Variants in SPTBN1 observed in about 807,000 individuals in gnomAD.
SPTBN1 encodes spectrin beta, non-erythrocytic 1, also known as spectrin beta chain, non-erythrocytic 1.
In SPTBN1, 32 loss-of-function variants were observed where a neutral mutation model predicts 266.4. The observed-to-expected ratio is 0.12, with a 90% CI of 0.09 to 0.16. SPTBN1 has a LOEUF of 0.16. SPTBN1 is among the 10% of genes least tolerant of loss of function. The pLI is 1.00. For missense variants in SPTBN1, 2,296 were observed against 3,067.1 expected (o/e 0.75, Z 5.94); for synonymous variants, 1,336 against 1,162.2 (o/e 1.15, Z -3.04).
Position 54,558,415 on chromosome 2 carries a change from A to G in SPTBN1, c.148+31849A>G. The G allele has an allele frequency of 9.8e-7, 1 of 1,017,180 alleles. No homozygotes were observed. The highest frequency in any genetic ancestry group is 1.2e-6 in the Non-Finnish European group (1 of 850,854). 63.0% of individuals were successfully genotyped at this position (1,017,180 alleles called of 1,614,324 possible). A position where few individuals can be genotyped will look rare whatever the true frequency, so the allele number is the denominator to read the frequency against. The stretch of plus-strand genomic sequence containing the variant: ...AGGAGGTGTGCGCGCTGCGCCCGCG[A>G]GCTCCCGGGCTCGGCAACCGTGGCA... On this transcript the variant is annotated intron_variant, in intron 2 of 35. Coordinates refer to ENST00000356805, the MANE Select transcript of SPTBN1 (RefSeq NM_003128.3). The surrounding 1 kb of genome is among the most constrained non-coding windows in gnomAD (Gnocchi z 4.6).
At chr2:54,472,094 C>T (rs1168386191) in intron 1 of SPTBN1, among the ~76,000 whole-genome samples, 3 of 128,580 alleles carry the variant, frequency 2.3e-5, no homozygotes, top group Non-Finnish European at 4.6e-5. Flanking sequence ...GTGGCGCGAT[C>T]TTGGCTCACT....
chr2:54,539,841 C>T (rs1671829874), intron 2 of SPTBN1, among the ~76,000 whole-genome samples: 1 of 140,812 alleles, frequency 7.1e-6, no homozygotes, highest in South Asian at 2.3e-4. Context: ...TGTGCGTGGA[C>T]TCTGTGTACA....
intron 1 of SPTBN1, among the ~76,000 whole-genome samples, chr2:54,484,826 A>G (rs968133055): frequency 3.3e-5 from 5 of 152,212 alleles, no homozygotes; most frequent in African/African-American, 1.2e-4. Flanking sequence ...GGCCTCAAGC[A>G]CCAGAATACG....
intron 2 of SPTBN1, among the ~76,000 whole-genome samples, chr2:54,537,432 A>G (rs867258756): frequency 5.9e-5 from 9 of 152,334 alleles, no homozygotes; most frequent in African/African-American, 1.2e-4. Flanking sequence ...GGTGTCCCCA[A>G]ACATTGGTGA....
At chr2:54,507,520 T>C (rs188725290) in intron 1 of SPTBN1, among the ~76,000 whole-genome samples, 5 of 152,224 alleles carry the variant, frequency 3.3e-5, no homozygotes, top group African/African-American at 1.2e-4. Flanking sequence ...ATTTGTCGTA[T>C]AGAATGATTG....
At position 54,533,602 on chromosome 2, in the gene SPTBN1, G is replaced by T. The variant is rs2104365161; in HGVS notation, c.148+7036G>T. Among the ~76,000 whole-genome samples the T allele has an allele frequency of 1.3e-5, 2 of 152,302 alleles. No individual in the cohort carries two copies. The highest frequency in any genetic ancestry group is 6.8e-3 in the Middle Eastern group (2 of 294). ...TTTCGCTCTTGTCACCCAGGCTGTAGTACGATGGCGCGATCTTGGCTCACT... is the reference window on the plus strand; with the variant it reads ...TTTCGCTCTTGTCACCCAGGCTGTATTACGATGGCGCGATCTTGGCTCACT... On this transcript the variant is annotated intron_variant, in intron 2 of 35. Transcript: ENST00000356805. The surrounding 1 kb of genome is among the most constrained non-coding windows in gnomAD (Gnocchi z 4.2).
chr2:54,656,946 C>G (rs1443135817), intron 29 of SPTBN1, among the ~76,000 whole-genome samples: 1 of 152,194 alleles, frequency 6.6e-6, no homozygotes, highest in Non-Finnish European at 1.5e-5. Flanking sequence ...GTCCCTAGTG[C>G]AGAGGTGGCA....
chr2:54,666,562 C>A (rs966756343), intron 34 of SPTBN1, among the ~76,000 whole-genome samples: 5 of 152,188 alleles, frequency 3.3e-5, no homozygotes, highest in Non-Finnish European at 7.3e-5. Context: ...ACCCTGTCCT[C>A]CCCTGACTCT....
chr2:54,491,802 T>C (rs999679576), intron 1 of SPTBN1, among the ~76,000 whole-genome samples: 3 of 152,168 alleles, frequency 2.0e-5, no homozygotes, highest in Admixed American at 2.0e-4. Flanking sequence ...GGTCTCGCCG[T>C]GTTGCCCAGG....
chr2:54,649,060 G>C lies in SPTBN1; in HGVS notation c.5072G>C (p.Arg1691Thr). 6.2e-7 allele frequency: 1 copy of C among 1,614,236 alleles called. No homozygotes were observed. The highest frequency in any genetic ancestry group is 8.5e-7 in the Non-Finnish European group (1 of 1,180,036). Residue 1691 changes from arginine to threonine, a missense_variant, in exon 25 of 36, where the codon AGA becomes ACA. Around this residue, in one of 12 missense-constraint regions of SPTBN1, gnomAD observed 644 missense variants for 745.3 expected, o/e 0.86. Transcript: ENST00000356805. The surrounding 1 kb of genome is among the most constrained non-coding windows in gnomAD (Gnocchi z 6.7). Reference sequence around the variant, plus strand: ...CTGAAAGACCTTGCTGAAGAGAGAAGAGGCAAGCTGGATGAGAGACACAGG... The same window carrying C: ...CTGAAAGACCTTGCTGAAGAGAGAACAGGCAAGCTGGATGAGAGACACAGG... ...AGLKDLAEER[R>T]GKLDERHRLF...
Position 54,456,509 on chromosome 2 carries a change from T to C in SPTBN1, c.-57T>C, listed in dbSNP as rs1203773206. ...ACGGGACCCCGGCGCCCCCACCCCATCCCCGGGAGGTAGGTAGGGGGCCCG... is the reference window on the plus strand; with the variant it reads ...ACGGGACCCCGGCGCCCCCACCCCACCCCCGGGAGGTAGGTAGGGGGCCCG... On this transcript the variant is annotated 5_prime_UTR_variant, in exon 1 of 36. Coordinates refer to ENST00000356805, the MANE Select transcript of SPTBN1 (RefSeq NM_003128.3). 1 of 149,496 alleles carries C rather than the reference T, an allele frequency of 6.7e-6. No individual in the cohort carries two copies. 9.3% of individuals were successfully genotyped at this position (149,496 alleles called of 1,614,324 possible).
rs569167895 is a variant in SPTBN1 at position 54,670,723 on chromosome 2, C to T, written c.*2154C>T. On this transcript the variant is annotated 3_prime_UTR_variant, in exon 36 of 36. Transcript: ENST00000356805. ...TAATAAATACGTACATGTGGAACATCGTGCACATAATTTCAACAGTTCGCA... is the reference window on the plus strand; with the variant it reads ...TAATAAATACGTACATGTGGAACATTGTGCACATAATTTCAACAGTTCGCA... 1.9e-4 allele frequency: 74 copies of T among 398,618 alleles called. No individual in the cohort carries two copies. In the South Asian group the frequency reaches 4.3e-3, roughly 23 times the overall value. The allele number at this position is 398,618 out of a possible 1,614,324, so 24.7% of individuals were successfully genotyped here.
At position 54,659,163 on chromosome 2, in the gene SPTBN1, C is replaced by A; in HGVS notation, c.6253C>A (p.Leu2085Met). The A allele has an allele frequency of 6.2e-7, 1 of 1,613,936 alleles. No homozygotes were observed. ...ALERLTTLEL[L>M]EVRRQQEEEE... ...CTCTATTTTCTCTTAGTTGGAGTTACTGGAAGTGCGCAGACAGCAAGAGGA... is the reference window on the plus strand; with the variant it reads ...CTCTATTTTCTCTTAGTTGGAGTTAATGGAAGTGCGCAGACAGCAAGAGGA... Residue 2085 changes from leucine to methionine, a missense_variant, in exon 31 of 36, where the codon CTG (leucine) becomes ATG (methionine). By Grantham distance (15) the Leu-to-Met change is conservative. This residue lies in a region of SPTBN1 where 347 missense variants were observed against 368.5 expected (regional missense o/e 0.94). Coordinates refer to ENST00000356805, the MANE Select transcript of SPTBN1 (RefSeq NM_003128.3).
At chr2:54,620,845 G>A (rs994950547) in intron 7 of SPTBN1, among the ~76,000 whole-genome samples, 1 of 152,204 alleles carries the variant, frequency 6.6e-6, no homozygotes, top group Non-Finnish European at 1.5e-5. Flanking sequence ...GTAATTTTGA[G>A]CTAGGAGAAA....
At chr2:54,522,105 T>C (rs922796720) in intron 1 of SPTBN1, among the ~76,000 whole-genome samples, 2 of 151,836 alleles carry the variant, frequency 1.3e-5, no homozygotes, top group African/African-American at 4.8e-5. Context: ...TGTCACTGTG[T>C]TGTCCAGTCT....
At chr2:54,621,742 C>T (rs1342568739) in intron 8 of SPTBN1, among the ~76,000 whole-genome samples, 1 of 152,190 alleles carries the variant, frequency 6.6e-6, no homozygotes, top group African/African-American at 2.4e-5. Context: ...ACATCTTTCT[C>T]CTCAACTGCT....
rs571538533 is a variant in SPTBN1, at chr2:54,598,039, A to G, written c.149-1053A>G. On this transcript the variant is annotated intron_variant, in intron 2 of 35. Coordinates refer to ENST00000356805, the MANE Select transcript of SPTBN1 (RefSeq NM_003128.3). ...GAGTAAGAGTGGTTGGGTCCAGGGTACGTTCTGTGGATGTCTGTTGAAGGT... is the reference window on the plus strand; with the variant it reads ...GAGTAAGAGTGGTTGGGTCCAGGGTGCGTTCTGTGGATGTCTGTTGAAGGT... Among the ~76,000 whole-genome samples, 18 of 152,268 alleles carry G rather than the reference A, an allele frequency of 1.2e-4. No individual in the cohort carries two copies. The South Asian group carries it at 2.5e-3, about 21-fold the overall frequency.
chr2:54,631,685 G>A (rs1356257038), intron 16 of SPTBN1, 74 bp downstream of exon 16: 3 of 1,539,906 alleles, frequency 1.9e-6, no homozygotes, highest in Admixed American at 3.7e-5. Flanking sequence ...TTTTGGCTGG[G>A]GCAGCTGGTT....
rs141957687 is a variant in SPTBN1, at chr2:54,545,139, G to A, written c.148+18573G>A. Among the ~76,000 whole-genome samples the A allele has an allele frequency of 8.9e-3, 1,351 of 152,268 alleles. 22 individuals are homozygous for A. Among genetic ancestry groups the A allele is most frequent in the African/African-American group, 0.031 (1,270 of 41,536 alleles). On this transcript the variant is annotated intron_variant, in intron 2 of 35. Transcript: ENST00000356805. ...TTTTATGGCTGCATAGTATTCCATT[G>A]TGTATATGTGCCACATTTTCTTTAT...
Sources: gnomAD v4.1 joint callset for allele counts (sites outside exome capture counted in the v4.1 genomes callset) on GRCh38, gnomAD v4.1.1 for gene constraint, gnomAD v4.1.1 regional missense constraint, Gnocchi (gnomAD v3.1) non-coding constraint, MANE v1.5 for transcripts, NCBI Gene and HGNC (gene_info 2026-07-23, HGNC 2026-07-21) for gene names.